The following CTNNA3 variants were observed in gnomAD, a reference collection of about 807,000 sequenced individuals.
CTNNA3 encodes catenin alpha-3.
Under a neutral mutation model 95.7 loss-of-function variants are expected in CTNNA3, and 76 were observed. The ratio of observed to expected loss-of-function variants is 0.79; its 90% CI spans 0.66 to 0.96. CTNNA3 has a LOEUF of 0.96. CTNNA3 is among the 40% of genes least tolerant of loss of function. The pLI is 0.00. For synonymous variants in CTNNA3, 431 were observed against 374.4 expected (o/e 1.15, Z -1.74); for missense variants, 1,191 against 1,089.8 (o/e 1.09, Z -1.31).
chr10:67,306,358 T>C (rs1035142596), intron 5 of CTNNA3, among the ~76,000 whole-genome samples: 1 of 152,190 alleles, frequency 6.6e-6, no homozygotes, highest in Non-Finnish European at 1.5e-5. Flanking sequence ...AATAATATGT[T>C]GGAATAAACT....
intron 12 of CTNNA3, among the ~76,000 whole-genome samples, chr10:66,323,430 G>A (rs964256715): frequency 2.0e-5 from 3 of 151,744 alleles, no homozygotes; most frequent in African/African-American, 7.3e-5. Context: ...GATCACCTGA[G>A]GTCAAGAGTT....
At chr10:67,562,566 T>C (rs1291356660) in intron 3 of CTNNA3, among the ~76,000 whole-genome samples, 1 of 152,204 alleles carries the variant, frequency 6.6e-6, no homozygotes, top group Admixed American at 6.5e-5. Flanking sequence ...GCATTCCCTT[T>C]GAAAACTGGC....
intron 9 of CTNNA3, among the ~76,000 whole-genome samples, chr10:66,703,786 A>T (rs758886190): frequency 1.3e-5 from 2 of 152,248 alleles, no homozygotes; most frequent in South Asian, 4.1e-4. Context: ...AGCTTTTGTC[A>T]GTGTCTTTCT....
At chr10:67,464,005 A>G (rs2133003606) in intron 5 of CTNNA3, among the ~76,000 whole-genome samples, 1 of 152,230 alleles carries the variant, frequency 6.6e-6, no homozygotes, top group Non-Finnish European at 1.5e-5. Flanking sequence ...CCAGTTCATC[A>G]CCATCAGATG....
intron 1 of CTNNA3, among the ~76,000 whole-genome samples, chr10:67,689,773 T>A (rs897688787): frequency 2.6e-4 from 39 of 152,080 alleles, no homozygotes; most frequent in African/African-American, 9.4e-4. Context: ...CAGGGATTGT[T>A]AGAGAGCCCT....
At chr10:65,988,402 G>A (rs1034747804) in intron 16 of CTNNA3, among the ~76,000 whole-genome samples, 1 of 151,890 alleles carries the variant, frequency 6.6e-6, no homozygotes, top group African/African-American at 2.4e-5. Flanking sequence ...AACAAAACTC[G>A]GTTTTGTAAT....
intron 1 of CTNNA3, among the ~76,000 whole-genome samples, chr10:67,666,112 T>C (rs1840325643): frequency 6.6e-6 from 1 of 152,186 alleles, no homozygotes; most frequent in Admixed American, 6.5e-5. Flanking sequence ...AGGAAGTACT[T>C]GTACAGGTTT....
chr10:66,567,658 A>G (rs1234583937), intron 10 of CTNNA3, among the ~76,000 whole-genome samples: 1 of 152,036 alleles, frequency 6.6e-6, no homozygotes, highest in African/African-American at 2.4e-5. Flanking sequence ...AGAGAGAGGA[A>G]AATTTCATTT....
chr10:67,634,744 ATG>A (rs1839251437), intron 2 of CTNNA3, among the ~76,000 whole-genome samples: 1 of 152,238 alleles, frequency 6.6e-6, no homozygotes, highest in Non-Finnish European at 1.5e-5. Flanking sequence ...GCATTACATA[ATG>A]ATAAAGGGTT....
intron 9 of CTNNA3, among the ~76,000 whole-genome samples, chr10:66,762,755 C>A (rs1298893910): frequency 2.6e-5 from 4 of 151,844 alleles, no homozygotes; most frequent in African/African-American, 4.8e-5. Flanking sequence ...GTGTTTAGTC[C>A]TACTTTTTAC....
In CTNNA3 at chr10:66,304,275, ACTC is replaced by A. The variant is rs58223153; in HGVS notation, c.1733-23657_1733-23655del. 2.0e-3 allele frequency among the ~76,000 whole-genome samples: 298 copies of A among 152,152 alleles called. 2 individuals are homozygous for A. The highest frequency in any genetic ancestry group is 6.9e-3 in the African/African-American group (286 of 41,516). On this transcript the variant is annotated intron_variant, in intron 12 of 17. Transcript: ENST00000433211. ...CTATAGAAGGTTGTTAAACATCTGA[ACTC>A]CTCCTTCACTCCTCGCTGAAGTAGA... is the stretch of plus-strand genomic sequence containing the variant.
intron 13 of CTNNA3, among the ~76,000 whole-genome samples, chr10:66,254,972 G>A (rs1301118020): frequency 6.6e-6 from 1 of 152,178 alleles, no homozygotes; most frequent in South Asian, 2.1e-4. Flanking sequence ...AGACAAAAAA[G>A]CAAATTTACT....
chr10:67,071,217 C>T (rs1213345304), intron 7 of CTNNA3, among the ~76,000 whole-genome samples: 2 of 152,194 alleles, frequency 1.3e-5, no homozygotes, highest in Non-Finnish European at 2.9e-5. Context: ...CAGATATTTC[C>T]AAGGTTCTAT....
intron 9 of CTNNA3, among the ~76,000 whole-genome samples, chr10:66,635,173 T>G (rs1168301061): frequency 6.6e-6 from 1 of 152,124 alleles, no homozygotes; most frequent in Non-Finnish European, 1.5e-5. Context: ...GATAAAAGTA[T>G]GTGTCACCTG....
Position 66,280,499 on chromosome 10 carries a change from C to T in CTNNA3, c.1855G>A (p.Asp619Asn). 1 of 1,607,520 alleles carries T rather than the reference C, an allele frequency of 6.2e-7. No individual in the cohort carries two copies. Among genetic ancestry groups the T allele is most frequent in the Non-Finnish European group, 8.5e-7 (1 of 1,177,438 alleles). ...ISKKIYDTIH[D>N]IRCSVMMIRT... ...ATCATCATGACTGAACATCTGATAT[C>T]ATGAATTGTATCATAGATCTTCTTT... The change falls in exon 13 of 18, where the codon GAT (aspartate) becomes AAT (asparagine). Residue 619 changes from aspartate (D) to asparagine (N), a missense_variant. Coordinates refer to ENST00000433211, the MANE Select transcript of CTNNA3 (RefSeq NM_013266.4).
At chr10:66,680,752 G>A (rs919892733) in intron 9 of CTNNA3, among the ~76,000 whole-genome samples, 1 of 152,100 alleles carries the variant, frequency 6.6e-6, no homozygotes, top group African/African-American at 2.4e-5. Context: ...TGGGAGACAG[G>A]GTAGGAATAG....
intron 5 of CTNNA3, among the ~76,000 whole-genome samples, chr10:67,235,502 CA>C (rs1222894278): frequency 6.6e-6 from 1 of 150,720 alleles, no homozygotes; most frequent in Admixed American, 6.6e-5. Context: ...ACACCTTATA[CA>C]AAAATCAATT....
intron 15 of CTNNA3, among the ~76,000 whole-genome samples, chr10:66,024,384 C>T (rs12573538): frequency 0.11 from 16,370 of 152,190 alleles, 1,051 homozygotes; most frequent in Non-Finnish European, 0.15. Flanking sequence ...CCACCACGCC[C>T]GACCCCATGC....
chr10:67,232,371 A>G (rs997314877), intron 5 of CTNNA3, among the ~76,000 whole-genome samples: 20 of 152,064 alleles, frequency 1.3e-4, no homozygotes, highest in Admixed American at 1.2e-3. Context: ...ATTCTTAAAG[A>G]AAAGAATTTT....
Sources: gnomAD v4.1 joint callset for allele counts (sites outside exome capture counted in the v4.1 genomes callset) on GRCh38, gnomAD v4.1.1 for gene constraint, MANE v1.5 for transcripts, NCBI Gene and HGNC (gene_info 2026-07-23, HGNC 2026-07-21) for gene names.